The following MUC22 variants were observed in gnomAD, a reference collection of about 807,000 sequenced individuals.
MUC22 encodes mucin 22.
MUC22 carries 24 observed loss-of-function variants against 40.3 expected under a neutral mutation model. The observed-to-expected ratio is 0.60, with a 90% confidence interval of 0.43 to 0.84. The LOEUF (loss-of-function observed/expected upper bound fraction) is 0.84, where lower values mean the gene tolerates loss of function less well. MUC22 is among the 40% of genes least tolerant of loss of function. MUC22 has a pLI of 0.00. For synonymous variants in MUC22, 765 were observed against 844.5 expected (o/e 0.91, Z 1.63); for missense variants, 1,926 against 2,130.7 (o/e 0.90, Z 1.89).
Position 31,026,462 on chromosome 6 carries a change from G to T in MUC22, c.1031G>T (p.Gly344Val), listed in dbSNP as rs970813241. 1.2e-5 allele frequency: 18 copies of T among 1,505,460 alleles called. 3 individuals carry two copies. Among genetic ancestry groups the T allele is most frequent in the Non-Finnish European group, 1.6e-5 (18 of 1,127,916 alleles). The allele number at this position is 1,505,460 out of a possible 1,614,324, so 93.3% of individuals were successfully genotyped here. A position where few individuals can be genotyped will look rare whatever the true frequency, so the allele number is the denominator to read the frequency against. Residue 344 changes from glycine (G) to valine (V), a missense_variant, in exon 2 of 4, where the codon GGC (glycine) becomes GTC (valine). By Grantham distance (109) the Gly-to-Val change is moderately radical. Transcript: ENST00000561890. ...GGGACCACCACAGCTTCTATGGCAG[G>T]CTCTGAGACCACCGTCTCCACTGCA...
chr6:31,030,278 A>G (rs6908759), intron 2 of MUC22, among the ~76,000 whole-genome samples, 178 bp downstream of exon 2: 31,011 of 152,030 alleles, frequency 0.2, 3,324 homozygotes, highest in East Asian at 0.35. Context: ...AGCACATTGG[A>G]AGGCTGAGGC....
At chr6:31,021,935 G>T (rs958263409) in intron 1 of MUC22, among the ~76,000 whole-genome samples, 1 of 152,048 alleles carries the variant, frequency 6.6e-6, no homozygotes, top group East Asian at 1.9e-4. Context: ...CTGTTTTTAT[G>T]ATCTGTAACA....
intron 1 of MUC22, among the ~76,000 whole-genome samples, chr6:31,025,140 G>A (rs140862276): frequency 0.01 from 1,422 of 141,430 alleles, 13 homozygotes; most frequent in South Asian, 0.06. Context: ...GAGCCACTGC[G>A]CCCAGCCCAA....
At chr6:31,020,039 G>A (rs575615977) in intron 1 of MUC22, among the ~76,000 whole-genome samples, 30 of 152,154 alleles carry the variant, frequency 2.0e-4, no homozygotes, top group African/African-American at 7.2e-4. Flanking sequence ...AAAGGGAACC[G>A]AAAACATGTT....
At chr6:31,012,056 C>A (rs1186928075) in intron 1 of MUC22, among the ~76,000 whole-genome samples, 1 of 152,152 alleles carries the variant, frequency 6.6e-6, no homozygotes, top group African/African-American at 2.4e-5. Context: ...AATGGGCTGT[C>A]TGAGATAGTA....
chr6:31,017,991 A>C lies in MUC22; in HGVS notation c.70+7215A>C, dbSNP rs115598724. Among the ~76,000 whole-genome samples the C allele has an allele frequency of 7.7e-3, 1,166 of 152,346 alleles. 14 individuals carry two copies. Among genetic ancestry groups the C allele is most frequent in the African/African-American group, 0.026 (1,083 of 41,576 alleles). ...CAGTTTCACTCCTGAGGCCAGTGAG[A>C]TCACGAACCCACCAGAAGAAACGCC... is the stretch of plus-strand genomic sequence containing the variant. On this transcript the variant is annotated intron_variant, in intron 1 of 3. Transcript: ENST00000561890.
rs756874531 is a variant in MUC22, at chr6:31,032,632, G to C, written c.5055+51G>C. The C allele has an allele frequency of 6.7e-7, 1 of 1,490,384 alleles. No homozygotes were observed. Among genetic ancestry groups the C allele is most frequent in the African/African-American group, 1.4e-5 (1 of 72,166 alleles). 92.3% of individuals were successfully genotyped at this position (1,490,384 alleles called of 1,614,324 possible). ...GGGAGCCTGGCAAGAAGGCAGGGGG[G>C]AATCATGTCAGCAGTGCTTTGGAAA... On this transcript the variant is annotated intron_variant, in intron 3 of 3. Coordinates refer to ENST00000561890, the Ensembl canonical transcript of MUC22. This position sits in a 1 kb window ranked among gnomAD's most constrained non-coding sequence, Gnocchi z 4.1.
chr6:31,033,050 AGC>A (rs1424899221), intron 3 of MUC22, among the ~76,000 whole-genome samples: 1 of 152,210 alleles, frequency 6.6e-6, no homozygotes, highest in African/African-American at 2.4e-5. Context: ...CTGTAGTCCC[AGC>A]TACTTTGGAG....
Position 31,032,583 on chromosome 6 carries a change from T to C in MUC22, c.5055+2T>C. The C allele has an allele frequency of 6.5e-7, 1 of 1,531,546 alleles. No homozygotes were observed. The highest frequency in any genetic ancestry group is 8.7e-7 in the Non-Finnish European group (1 of 1,144,540). The allele number at this position is 1,531,546 out of a possible 1,614,324, so 94.9% of individuals were successfully genotyped here. On this transcript the variant is annotated splice_donor_variant, in intron 3 of 3. Coordinates refer to ENST00000561890, the Ensembl canonical transcript of MUC22. LOFTEE classifies it high-confidence loss of function. This position sits in a 1 kb window ranked among gnomAD's most constrained non-coding sequence, Gnocchi z 4.1. ...TCAGTAGGACTGAGTTTTTGTCTGG[T>C]GAGTACCCAGGGTGGGTTCATAGGG... is the stretch of plus-strand genomic sequence containing the variant.
exon 2 of MUC22, chr6:31,028,515 C>T (rs1765659984): frequency 6.5e-7 from 1 of 1,528,386 alleles, no homozygotes; most frequent in Non-Finnish European, 8.7e-7. Context: ...CCATGGCATC[C>T]ATCATGGGCT....
rs867086561 is a variant in MUC22, at chr6:31,028,205, C to T, written c.2774C>T (p.Thr925Ile). The stretch of plus-strand genomic sequence containing the variant: ...ATCACCTCTACTGAAGGCTCTGAGA[C>T]CACTACAGTATCTGCCACAGGCTCT... The change falls in exon 2 of 4, where the codon ACC (threonine) becomes ATC (isoleucine). Residue 925 changes from threonine to isoleucine, a missense_variant. Thr to Ile is a moderately conservative substitution (Grantham distance 89, BLOSUM62 -1). Around this residue, in one of 3 missense-constraint regions of MUC22, gnomAD observed 1,281 missense variants for 1,337.8 expected, o/e 0.96. Transcript: ENST00000561890. 47 of 1,534,654 alleles carry T rather than the reference C, an allele frequency of 3.1e-5. 1 individual carries two copies. The African/African-American group carries it at 5.6e-4, about 18-fold the overall frequency.
intron 1 of MUC22, among the ~76,000 whole-genome samples, chr6:31,024,817 T>G (rs1765138341): frequency 1.3e-5 from 2 of 152,214 alleles, no homozygotes; most frequent in South Asian, 4.2e-4. Context: ...GTATTTGTAC[T>G]TATGCTATCA....
chr6:31,032,423 G>A lies in MUC22; in HGVS notation c.4897G>A (p.Gly1633Ser), dbSNP rs2150812408. Reference sequence around the variant, plus strand: ...AACCAGCAGCACCTTCCAGGAAACAGGCCCGGTGTCCATGGGCACAAACAC... The same window carrying A: ...AACCAGCAGCACCTTCCAGGAAACAAGCCCGGTGTCCATGGGCACAAACAC... Residue 1633 changes from glycine (G) to serine (S), a missense_variant, in exon 3 of 4, where the codon GGC (glycine) becomes AGC (serine). By Grantham distance (56) the Gly-to-Ser change is moderately conservative. Around this residue, in one of 3 missense-constraint regions of MUC22, gnomAD observed 610 missense variants for 714.6 expected, o/e 0.85. Coordinates refer to ENST00000561890, the Ensembl canonical transcript of MUC22. This position sits in a 1 kb window ranked among gnomAD's most constrained non-coding sequence, Gnocchi z 4.1. The A allele has an allele frequency of 1.3e-6, 2 of 1,535,730 alleles. No homozygotes were observed. Among genetic ancestry groups the A allele is most frequent in the Non-Finnish European group, 1.7e-6 (2 of 1,146,924 alleles).
At chr6:31,027,669 C>G in exon 2 of MUC22, 1 of 1,531,002 alleles carries the variant, frequency 6.5e-7, no homozygotes, top group Non-Finnish European at 8.7e-7. Context: ...TGGAGACCAC[C>G]ACAGTCTTTA....
At position 31,028,339 on chromosome 6, in the gene MUC22, G is replaced by T; in HGVS notation, c.2908G>T (p.Glu970Ter). ...TTCAGAGACCACCACCACTTCTACT[G>T]AAGGCTCTGAGATTACTACAGCCTC... Residue 970 changes from glutamate (E) to a stop codon, truncating the protein, a stop_gained, in exon 2 of 4, where the codon GAA (glutamate) becomes TAA (stop). Transcript: ENST00000561890. LOFTEE classifies it high-confidence loss of function. 6.5e-7 allele frequency: 1 copy of T among 1,531,714 alleles called. No homozygotes were observed. Among genetic ancestry groups the T allele is most frequent in the South Asian group, 1.2e-5 (1 of 83,844 alleles). The allele number at this position is 1,531,714 out of a possible 1,614,324, so 94.9% of individuals were successfully genotyped here. A position where few individuals can be genotyped will look rare whatever the true frequency, so the allele number is the denominator to read the frequency against.
chr6:31,028,328 C>T (rs9262548), exon 2 of MUC22: 15,645 of 1,533,544 alleles, frequency 0.01, 246 homozygotes, highest in Admixed American at 0.015. Context: ...GAGACCACCA[C>T]CACTTCTACT....
rs1194203227 is a variant in MUC22 at position 31,033,000 on chromosome 6, A to G, written c.5055+419A>G. Among the ~76,000 whole-genome samples, 5 of 152,184 alleles carry G rather than the reference A, an allele frequency of 3.3e-5. No homozygotes were observed. The highest frequency in any genetic ancestry group is 5.9e-5 in the Non-Finnish European group (4 of 68,032). On this transcript the variant is annotated intron_variant, in intron 3 of 3. Coordinates refer to ENST00000561890, the Ensembl canonical transcript of MUC22. The surrounding 1 kb of genome is among the most constrained non-coding windows in gnomAD (Gnocchi z 4.1). ...GGCCAACATGGTGAAACTTGTCTTT[A>G]CTAAAAATACAAAAATTAGTCGAGA...
At chr6:31,034,059 A>G (rs1419327272) in intron 3 of MUC22, among the ~76,000 whole-genome samples, 4 of 152,248 alleles carry the variant, frequency 2.6e-5, no homozygotes, top group African/African-American at 9.6e-5. Flanking sequence ...AATGTTTAAA[A>G]TGCATAATGT....
At chr6:31,026,344 T>C in exon 2 of MUC22, 1 of 1,507,356 alleles carries the variant, frequency 6.6e-7, no homozygotes, top group Non-Finnish European at 8.9e-7. Flanking sequence ...CCCCACAGGC[T>C]CTCAGACCAC....
Sources: allele counts gnomAD v4.1 joint callset (sites outside exome capture counted in the v4.1 genomes callset), GRCh38; gene constraint gnomAD v4.1.1; regional missense constraint gnomAD v4.1.1; non-coding constraint Gnocchi (gnomAD v3.1); transcripts MANE v1.5; gene names NCBI Gene and HGNC (gene_info 2026-07-23, HGNC 2026-07-21).